The following KCNQ1OT1 variants were observed in gnomAD, a reference collection of about 807,000 sequenced individuals.
The protein encoded by KCNQ1OT1 is KCNQ1 opposite strand/antisense transcript 1.
rs1215308029 is a variant in KCNQ1OT1, at chr11:2,663,952, C to T, written n.36043G>A. 1 of 398,730 alleles carries T rather than the reference C, an allele frequency of 2.5e-6. No individual in the cohort carries two copies. Among genetic ancestry groups the T allele is most frequent in the East Asian group, 3.6e-5 (1 of 28,076 alleles). 24.7% of individuals were successfully genotyped at this position (398,730 alleles called of 1,614,324 possible). On this transcript the variant is annotated non_coding_transcript_exon_variant, in exon 1 of 1. Coordinates refer to ENST00000597346, the Ensembl canonical transcript of KCNQ1OT1. This position sits in a 1 kb window ranked among gnomAD's most constrained non-coding sequence, Gnocchi z 5.2. ...CTTGTTCCACTCCAGGATGACAGGG[C>T]CTGAGAGACCTGAACATCCATCCCC...
rs1278311157 is a variant in KCNQ1OT1 at position 2,694,798 on chromosome 11, T to C, written n.5197A>G. On this transcript the variant is annotated non_coding_transcript_exon_variant, in exon 1 of 1. Coordinates refer to ENST00000597346, the Ensembl canonical transcript of KCNQ1OT1. ...TGCTTTGCAGAGACTCGAAAGGTAG[T>C]CGTCAGCTAGTGAGTGACTGAAGGG... The C allele has an allele frequency of 2.5e-5, 10 of 398,492 alleles. No homozygotes were observed. In the Admixed American group the frequency reaches 3.5e-4, roughly 14 times the overall value. 24.7% of individuals were successfully genotyped at this position (398,492 alleles called of 1,614,324 possible). A position where few individuals can be genotyped will look rare whatever the true frequency, so the allele number is the denominator to read the frequency against.
At position 2,663,912 on chromosome 11, in the gene KCNQ1OT1, G is replaced by C. The variant is rs1318941330; in HGVS notation, n.36083C>G. On this transcript the variant is annotated non_coding_transcript_exon_variant, in exon 1 of 1. Transcript: ENST00000597346. This position sits in a 1 kb window ranked among gnomAD's most constrained non-coding sequence, Gnocchi z 5.2. ...AAGCCAGTGTGGCTGTGTCATCTAGGACACTGGGCTGTTTCTTGTTCCACT... is the reference window on the plus strand; with the variant it reads ...AAGCCAGTGTGGCTGTGTCATCTAGCACACTGGGCTGTTTCTTGTTCCACT... 2.5e-6 allele frequency: 1 copy of C among 398,568 alleles called. No individual in the cohort carries two copies. The highest frequency in any genetic ancestry group is 4.4e-6 in the Non-Finnish European group (1 of 226,116). The allele number at this position is 398,568 out of a possible 1,614,324, so 24.7% of individuals were successfully genotyped here.
Position 2,662,289 on chromosome 11 carries a change from C to T in KCNQ1OT1, n.37706G>A, listed in dbSNP as rs1849973966. 6 of 614,242 alleles carry T rather than the reference C, an allele frequency of 9.8e-6. No homozygotes were observed. The East Asian group carries it at 1.6e-4, about 17-fold the overall frequency. 38.0% of individuals were successfully genotyped at this position (614,242 alleles called of 1,614,324 possible). ...TTCCCACTGAGCCTGGGAACATGAT[C>T]CTCTTGTTTTGACTTATGGAAAACC... is the stretch of plus-strand genomic sequence containing the variant. On this transcript the variant is annotated non_coding_transcript_exon_variant, in exon 1 of 1. Coordinates refer to ENST00000597346, the Ensembl canonical transcript of KCNQ1OT1.
rs1849234048 is a variant in KCNQ1OT1 at position 2,624,657 on chromosome 11, G to A, written n.75338C>T. 5.0e-6 allele frequency: 2 copies of A among 398,466 alleles called. No individual in the cohort carries two copies. Among genetic ancestry groups the A allele is most frequent in the Non-Finnish European group, 8.8e-6 (2 of 226,006 alleles). 24.7% of individuals were successfully genotyped at this position (398,466 alleles called of 1,614,324 possible). ...ATGTATTAGATACGTTCACAATGCT[G>A]TGCAATCATCACTATCATCCATCTC... On this transcript the variant is annotated non_coding_transcript_exon_variant, in exon 1 of 1. Coordinates refer to ENST00000597346, the Ensembl canonical transcript of KCNQ1OT1. The surrounding 1 kb of genome is among the most constrained non-coding windows in gnomAD (Gnocchi z 4.9).
chr11:2,648,061 A>G, exon 1 of KCNQ1OT1: 1 of 397,528 alleles, frequency 2.5e-6, no homozygotes, highest in Non-Finnish European at 4.4e-6. Flanking sequence ...CAAAAAAAAA[A>G]AAAAAAATTA....
exon 1 of KCNQ1OT1, chr11:2,631,660 T>C: frequency 5.0e-6 from 2 of 398,582 alleles, no homozygotes; most frequent in African/African-American, 2.1e-5. Flanking sequence ...CTTGTTACAA[T>C]GAATTGAAAT....
chr11:2,651,018 T>C lies in KCNQ1OT1; in HGVS notation n.48977A>G, dbSNP rs1415917495. 2.5e-5 allele frequency: 10 copies of C among 398,644 alleles called. No individual in the cohort carries two copies. The highest frequency in any genetic ancestry group is 4.0e-5 in the Non-Finnish European group (9 of 226,134). The allele number at this position is 398,644 out of a possible 1,614,324, so 24.7% of individuals were successfully genotyped here. A position where few individuals can be genotyped will look rare whatever the true frequency, so the allele number is the denominator to read the frequency against. Reference sequence around the variant, plus strand: ...TTTGCCCACACCTAGTCTCTCCAGCTATCTCCCTGGTTAAAACCACCACCA... The same window carrying C: ...TTTGCCCACACCTAGTCTCTCCAGCCATCTCCCTGGTTAAAACCACCACCA... On this transcript the variant is annotated non_coding_transcript_exon_variant, in exon 1 of 1. Transcript: ENST00000597346. This position sits in a 1 kb window ranked among gnomAD's most constrained non-coding sequence, Gnocchi z 6.1.
chr11:2,631,945 G>A lies in KCNQ1OT1; in HGVS notation n.68050C>T, dbSNP rs1849360250. On this transcript the variant is annotated non_coding_transcript_exon_variant, in exon 1 of 1. Transcript: ENST00000597346. The stretch of plus-strand genomic sequence containing the variant: ...CGCCTGTAATCCCAGCACTTTGGGA[G>A]GCTGAGGAGGGCAGATCACAAGGTC... 7.6e-6 allele frequency: 3 copies of A among 397,108 alleles called. No homozygotes were observed. The East Asian group carries it at 1.1e-4, about 14-fold the overall frequency. 24.6% of individuals were successfully genotyped at this position (397,108 alleles called of 1,614,324 possible).
chr11:2,687,298 C>G lies in KCNQ1OT1; in HGVS notation n.12697G>C. 1 of 398,670 alleles carries G rather than the reference C, an allele frequency of 2.5e-6. No homozygotes were observed. The highest frequency in any genetic ancestry group is 4.4e-6 in the Non-Finnish European group (1 of 226,094). 24.7% of individuals were successfully genotyped at this position (398,670 alleles called of 1,614,324 possible). A position where few individuals can be genotyped will look rare whatever the true frequency, so the allele number is the denominator to read the frequency against. ...CCTCCCACCTTGCAGCTTTGAGATC[C>G]CAGGCCTCTCAGGGCTCTGGCTGAG... is the stretch of plus-strand genomic sequence containing the variant. On this transcript the variant is annotated non_coding_transcript_exon_variant, in exon 1 of 1. Transcript: ENST00000597346. The surrounding 1 kb of genome is among the most constrained non-coding windows in gnomAD (Gnocchi z 5.0).
In KCNQ1OT1 at chr11:2,621,698, C is replaced by A; in HGVS notation, n.78297G>T. The A allele has an allele frequency of 5.0e-6, 2 of 398,368 alleles. No homozygotes were observed. The highest frequency in any genetic ancestry group is 8.8e-6 in the Non-Finnish European group (2 of 225,992). The allele number at this position is 398,368 out of a possible 1,614,324, so 24.7% of individuals were successfully genotyped here. A position where few individuals can be genotyped will look rare whatever the true frequency, so the allele number is the denominator to read the frequency against. ...ATTGTTCATAAAAGTCCCTTATGAT[C>A]CTTTTTATTTCTGAAGTACCTGTTG... On this transcript the variant is annotated non_coding_transcript_exon_variant, in exon 1 of 1. Transcript: ENST00000597346. The surrounding 1 kb of genome is among the most constrained non-coding windows in gnomAD (Gnocchi z 5.7).
At chr11:2,615,719 C>G in exon 1 of KCNQ1OT1, 1 of 397,918 alleles carries the variant, frequency 2.5e-6, no homozygotes, top group Non-Finnish European at 4.4e-6. Flanking sequence ...CCCTTGTATT[C>G]TTGAGATAAA....
In KCNQ1OT1 at chr11:2,685,734, C is replaced by T. The variant is rs550718612; in HGVS notation, n.14261G>A. 5 of 398,648 alleles carry T rather than the reference C, an allele frequency of 1.3e-5. No individual in the cohort carries two copies. In the South Asian group the frequency reaches 3.8e-4, roughly 30 times the overall value. The allele number at this position is 398,648 out of a possible 1,614,324, so 24.7% of individuals were successfully genotyped here. ...CAGGGAGGGTGCTCTGACAGTCCGC[C>T]GAAATGGCCAGCAGGCAGGCATCCT... On this transcript the variant is annotated non_coding_transcript_exon_variant, in exon 1 of 1. Coordinates refer to ENST00000597346, the Ensembl canonical transcript of KCNQ1OT1.
chr11:2,658,904 C>A lies in KCNQ1OT1; in HGVS notation n.41091G>T. Reference sequence around the variant, plus strand: ...GTGTAACCCTATTGTACACGTAGTACCCTATGTGAAGCAAATTTACCTACT... The same window carrying A: ...GTGTAACCCTATTGTACACGTAGTAACCTATGTGAAGCAAATTTACCTACT... On this transcript the variant is annotated non_coding_transcript_exon_variant, in exon 1 of 1. Coordinates refer to ENST00000597346, the Ensembl canonical transcript of KCNQ1OT1. The surrounding 1 kb of genome is among the most constrained non-coding windows in gnomAD (Gnocchi z 4.9). The A allele has an allele frequency of 2.5e-6, 1 of 398,464 alleles. No homozygotes were observed. The highest frequency in any genetic ancestry group is 4.4e-6 in the Non-Finnish European group (1 of 226,010). The allele number at this position is 398,464 out of a possible 1,614,324, so 24.7% of individuals were successfully genotyped here.
rs1029644585 is a variant in KCNQ1OT1 at position 2,658,788 on chromosome 11, A to G, written n.41207T>C. On this transcript the variant is annotated non_coding_transcript_exon_variant, in exon 1 of 1. Transcript: ENST00000597346. The surrounding 1 kb of genome is among the most constrained non-coding windows in gnomAD (Gnocchi z 4.9). ...ATACTGACATTTCTGACCAGAGTTC[A>G]TCCTTGCCCCCTCCCCCACAACTTA... 15 of 398,422 alleles carry G rather than the reference A, an allele frequency of 3.8e-5. No individual in the cohort carries two copies. Among genetic ancestry groups the G allele is most frequent in the Non-Finnish European group, 5.3e-5 (12 of 226,062 alleles). The allele number at this position is 398,422 out of a possible 1,614,324, so 24.7% of individuals were successfully genotyped here. A position where few individuals can be genotyped will look rare whatever the true frequency, so the allele number is the denominator to read the frequency against.
chr11:2,617,297 T>C lies in KCNQ1OT1; in HGVS notation n.82698A>G, dbSNP rs1369582695. The C allele has an allele frequency of 1.8e-5, 7 of 398,350 alleles. No individual in the cohort carries two copies. The highest frequency in any genetic ancestry group is 3.1e-5 in the Non-Finnish European group (7 of 225,954). The allele number at this position is 398,350 out of a possible 1,614,324, so 24.7% of individuals were successfully genotyped here. A position where few individuals can be genotyped will look rare whatever the true frequency, so the allele number is the denominator to read the frequency against. ...TCTGTATATTTGACTTTTTTCTTTT[T>C]AAGATTCTACATATAGGTGAGATTA... On this transcript the variant is annotated non_coding_transcript_exon_variant, in exon 1 of 1. Coordinates refer to ENST00000597346, the Ensembl canonical transcript of KCNQ1OT1. The surrounding 1 kb of genome is among the most constrained non-coding windows in gnomAD (Gnocchi z 4.6).
exon 1 of KCNQ1OT1, chr11:2,675,267 T>A: frequency 2.5e-6 from 1 of 398,612 alleles, no homozygotes; most frequent in Non-Finnish European, 4.4e-6. Context: ...GAAGTGAAGA[T>A]AACTCACCTC....
In KCNQ1OT1 at chr11:2,620,212, T is replaced by TATATA. The variant is rs749794052; in HGVS notation, n.79782_79783insTATAT. The TATATA allele has an allele frequency of 0.086, 17,216 of 201,330 alleles. 618 individuals carry two copies. The highest frequency in any genetic ancestry group is 0.16 in the African/African-American group (4,868 of 31,354). The allele number at this position is 201,330 out of a possible 1,614,324, so 12.5% of individuals were successfully genotyped here. On this transcript the variant is annotated non_coding_transcript_exon_variant, in exon 1 of 1. Transcript: ENST00000597346. The surrounding 1 kb of genome is among the most constrained non-coding windows in gnomAD (Gnocchi z 4.5). ...AAGTTCATTCATGTATATATATATATTTTTTTTTTTTATTTTTTTTTTAGA... is the reference window on the plus strand; with the variant it reads ...AAGTTCATTCATGTATATATATATATATATATTTTTTTTTTTATTTTTTTTTTAGA...
rs146464643 is a variant in KCNQ1OT1 at position 2,664,557 on chromosome 11, G to A, written n.35438C>T. 7.5e-4 allele frequency: 300 copies of A among 398,710 alleles called. No homozygotes were observed. Among genetic ancestry groups the A allele is most frequent in the African/African-American group, 5.3e-3 (259 of 48,752 alleles). 24.7% of individuals were successfully genotyped at this position (398,710 alleles called of 1,614,324 possible). ...GCCTGGCGGCAGGGGTGTGGGGGCC[G>A]TGCAGGTCTTCTGCCCGCATTGGGG... On this transcript the variant is annotated non_coding_transcript_exon_variant, in exon 1 of 1. Coordinates refer to ENST00000597346, the Ensembl canonical transcript of KCNQ1OT1. This position sits in a 1 kb window ranked among gnomAD's most constrained non-coding sequence, Gnocchi z 5.1.
Position 2,645,093 on chromosome 11 carries a change from G to A in KCNQ1OT1, n.54902C>T. 1 of 398,668 alleles carries A rather than the reference G, an allele frequency of 2.5e-6. No individual in the cohort carries two copies. Among genetic ancestry groups the A allele is most frequent in the Non-Finnish European group, 4.4e-6 (1 of 226,112 alleles). 24.7% of individuals were successfully genotyped at this position (398,668 alleles called of 1,614,324 possible). Reference sequence around the variant, plus strand: ...GGCCACAGGGTGGGTAGGTCCTTGAGCTCTGAGCAGCAGATATGGCTTGGG... The same window carrying A: ...GGCCACAGGGTGGGTAGGTCCTTGAACTCTGAGCAGCAGATATGGCTTGGG... On this transcript the variant is annotated non_coding_transcript_exon_variant, in exon 1 of 1. Transcript: ENST00000597346. This position sits in a 1 kb window ranked among gnomAD's most constrained non-coding sequence, Gnocchi z 5.8.
Sources: allele counts gnomAD v4.1 joint callset, GRCh38; gene constraint gnomAD v4.1.1; non-coding constraint Gnocchi (gnomAD v3.1); transcripts MANE v1.5; gene names NCBI Gene and HGNC (gene_info 2026-07-23, HGNC 2026-07-21).